QPCT: variants seen among roughly 807,000 people sequenced by gnomAD.
QPCT encodes glutaminyl-peptide cyclotransferase.
Under a neutral mutation model 43.4 loss-of-function variants are expected in QPCT, and 44 were observed. The observed-to-expected ratio is 1.01, with a 90% CI of 0.80 to 1.30. QPCT has a LOEUF of 1.30. Among genes scored for constraint, QPCT ranks in the 50% most tolerant of loss-of-function variants. QPCT has a pLI of 0.00. For synonymous variants in QPCT, 168 were observed against 168.4 expected (o/e 1.00, Z 0.02); for missense variants, 526 against 436.5 (o/e 1.21, Z -1.83).
At chr2:37,349,531 T>G (rs555581096) in intron 1 of QPCT, among the ~76,000 whole-genome samples, 1 of 152,306 alleles carries the variant, frequency 6.6e-6, no homozygotes, top group East Asian at 1.9e-4. Flanking sequence ...ACTCTGGACA[T>G]GGAGTGAAAG....
chr2:37,347,144 TTATATA>T (rs10558124), intron 1 of QPCT, among the ~76,000 whole-genome samples: 1 of 55,346 alleles, frequency 1.8e-5, no homozygotes, highest in Non-Finnish European at 2.9e-5. Flanking sequence ...ATGGGGTGTT[TTATATA>T]TATATATATA....
At chr2:37,356,919 T>C (rs1672760479) in intron 2 of QPCT, among the ~76,000 whole-genome samples, 2 of 151,844 alleles carry the variant, frequency 1.3e-5, no homozygotes, top group African/African-American at 4.8e-5. Flanking sequence ...GGCAGGAGAA[T>C]TTGCTTGAAC....
chr2:37,344,784 T>A lies in QPCT; in HGVS notation c.53T>A (p.Leu18Gln). The A allele has an allele frequency of 6.2e-7, 1 of 1,610,034 alleles. No homozygotes were observed. Among genetic ancestry groups the A allele is most frequent in the Non-Finnish European group, 8.5e-7 (1 of 1,178,872 alleles). Residue 18 changes from leucine (L) to glutamine (Q), a missense_variant, in exon 1 of 7, where the codon CTG becomes CAG. Transcript: ENST00000338415. ...RVVGTLHLLL[L>Q]VAALPWASRG... ...GTGGGCACCCTCCACCTGCTGCTGCTGGTGGCCGCCCTGCCCTGGGCATCC... is the reference window on the plus strand; with the variant it reads ...GTGGGCACCCTCCACCTGCTGCTGCAGGTGGCCGCCCTGCCCTGGGCATCC...
At position 37,352,890 on chromosome 2, in the gene QPCT, G is replaced by A. The variant is rs779013710; in HGVS notation, c.222G>A (p.Leu74=). ...EMWQNDLQPL[L]IERYPGSPGS... ...GGCAAAATGACTTACAGCCATTGCTGATAGAGCGATACCCGGGATCCCCTG... is the reference window on the plus strand; with the variant it reads ...GGCAAAATGACTTACAGCCATTGCTAATAGAGCGATACCCGGGATCCCCTG... Residue 74 remains leucine (L), a synonymous_variant, in exon 2 of 7, where the codon CTG becomes CTA. Transcript: ENST00000338415. The A allele has an allele frequency of 1.4e-5, 23 of 1,614,030 alleles. No individual in the cohort carries two copies. The highest frequency in any genetic ancestry group is 1.9e-5 in the Non-Finnish European group (22 of 1,180,012).
intron 4 of QPCT, chr2:37,368,565 ATTCTGTGTCCTCTGT>A (rs1673010981): frequency 4.2e-6 from 2 of 471,034 alleles, no homozygotes; most frequent in Middle Eastern, 3.3e-4. Context: ...AAATGGTCAC[ATTCTGTGTCCTCTGT>A]GACCCTAACA....
chr2:37,372,297 T>A (rs946443286), intron 5 of QPCT, 59 bp from the exon 6 acceptor site: 57 of 1,194,704 alleles, frequency 4.8e-5, no homozygotes, highest in Middle Eastern at 1.9e-4. Context: ...TAAGGATACA[T>A]TATGAGTCTT....
At chr2:37,347,179 A>ATATATATATATTATAT in intron 1 of QPCT, among the ~76,000 whole-genome samples, 1 of 50,764 alleles carries the variant, frequency 2.0e-5, no homozygotes, top group African/African-American at 1.1e-4. Context: ...ATATATATAT[A>ATATATATATATTATAT]ACATATATAT....
At chr2:37,355,887 C>A (rs1232947823) in intron 2 of QPCT, among the ~76,000 whole-genome samples, 1 of 152,050 alleles carries the variant, frequency 6.6e-6, no homozygotes, top group African/African-American at 2.4e-5. Flanking sequence ...TGCATCTGAG[C>A]CACCGAAACT....
rs1672655785 is a variant in QPCT at position 37,352,992 on chromosome 2, G to A, written c.267+57G>A. 4 of 1,559,348 alleles carry A rather than the reference G, an allele frequency of 2.6e-6. No individual in the cohort carries two copies. In the East Asian group the frequency reaches 9.1e-5, roughly 36 times the overall value. ...TGTGAATACTGTGCTTTCTCATGAG[G>A]GATAATGTTATGGCTGAAGTTCTGA... On this transcript the variant is annotated intron_variant, in intron 2 of 6. Transcript: ENST00000338415.
Position 37,359,656 on chromosome 2 carries a change from AT to A in QPCT, c.345del (p.Tyr115Ter). On this transcript the variant is annotated frameshift_variant, in exon 3 of 7. Coordinates refer to ENST00000338415, the MANE Select transcript of QPCT (RefSeq NM_012413.4). LOFTEE classifies it high-confidence loss of function. Reference protein sequence around the residue: ...EIDTFLSQTPYGYRSFSNIIS... With the variant: ...EIDTFLSQTPXGYRSFSNIIS... Reference sequence around the variant, plus strand: ...GACACCTTCTTGAGTCAGACACCCTATGGGTACCGGTCTTTCTCAAATATCA... The same window carrying A: ...GACACCTTCTTGAGTCAGACACCCTAGGGTACCGGTCTTTCTCAAATATCA... The A allele has an allele frequency of 6.2e-7, 1 of 1,614,046 alleles. No individual in the cohort carries two copies. The highest frequency in any genetic ancestry group is 8.5e-7 in the Non-Finnish European group (1 of 1,179,920).
At chr2:37,351,422 G>A (rs1016735849) in intron 1 of QPCT, among the ~76,000 whole-genome samples, 1 of 152,212 alleles carries the variant, frequency 6.6e-6, no homozygotes, top group Non-Finnish European at 1.5e-5. Flanking sequence ...TACAGTATGT[G>A]TGAAGTCATC....
At chr2:37,370,969 G>A (rs1356141651) in intron 5 of QPCT, among the ~76,000 whole-genome samples, 1 of 152,144 alleles carries the variant, frequency 6.6e-6, no homozygotes, top group African/African-American at 2.4e-5. Flanking sequence ...ACTTCTTGGA[G>A]CAAGATAGAC....
At chr2:37,350,652 T>C (rs533741989) in intron 1 of QPCT, among the ~76,000 whole-genome samples, 61 of 152,364 alleles carry the variant, frequency 4.0e-4, no homozygotes, top group Non-Finnish European at 7.9e-4. Context: ...GATTTACCTG[T>C]AACTCTCCTT....
Position 37,352,916 on chromosome 2 carries a change from G to C in QPCT, c.248G>C (p.Gly83Ala), listed in dbSNP as rs1280478702. The C allele has an allele frequency of 2.5e-6, 4 of 1,613,626 alleles. No homozygotes were observed. Among genetic ancestry groups the C allele is most frequent in the Non-Finnish European group, 3.4e-6 (4 of 1,179,714 alleles). ...ATAGAGCGATACCCGGGATCCCCTG[G>C]AAGCTATGCTGCTCGTCAGGTGAGA... ...LLIERYPGSP[G>A]SYAARQHIMQ... Residue 83 changes from glycine to alanine, a missense_variant, in exon 2 of 7, where the codon GGA (glycine) becomes GCA (alanine). Transcript: ENST00000338415.
Position 37,369,805 on chromosome 2 carries a change from T to A in QPCT, c.823+21T>A, listed in dbSNP as rs754058901. The A allele has an allele frequency of 4.0e-6, 6 of 1,507,198 alleles. No homozygotes were observed. In the Admixed American group the frequency reaches 6.7e-5, roughly 17 times the overall value. The allele number at this position is 1,507,198 out of a possible 1,614,324, so 93.4% of individuals were successfully genotyped here. ...AATTGGTAAGCACCACTGTTATTAA[T>A]GAATAAAACATCATTTCTTGCTACT... On this transcript the variant is annotated intron_variant, in intron 5 of 6. Transcript: ENST00000338415.
rs576086776 is a variant in QPCT at position 37,372,039 on chromosome 2, C to T, written c.824-317C>T. Among the ~76,000 whole-genome samples the T allele has an allele frequency of 1.2e-3, 176 of 152,282 alleles. 1 individual carries two copies. Among genetic ancestry groups the T allele is most frequent in the Non-Finnish European group, 2.3e-3 (156 of 68,008 alleles). On this transcript the variant is annotated intron_variant, in intron 5 of 6. Coordinates refer to ENST00000338415, the MANE Select transcript of QPCT (RefSeq NM_012413.4). ...GCATCTACACCTGCACCTGTGTTGT[C>T]CCCTTCCACCCACCTGTCCTCTGTT... is the stretch of plus-strand genomic sequence containing the variant.
At chr2:37,356,524 T>A (rs1321156835) in intron 2 of QPCT, among the ~76,000 whole-genome samples, 1 of 152,204 alleles carries the variant, frequency 6.6e-6, no homozygotes, top group Non-Finnish European at 1.5e-5. Context: ...TACGGGTATT[T>A]GAATGATAGT....
intron 1 of QPCT, among the ~76,000 whole-genome samples, chr2:37,346,541 G>T (rs1487446572): frequency 6.6e-6 from 1 of 152,126 alleles, no homozygotes; most frequent in Non-Finnish European, 1.5e-5. Context: ...GGTATTTATG[G>T]GTGGGAAAAG....
chr2:37,347,822 T>G (rs12468307), intron 1 of QPCT, among the ~76,000 whole-genome samples: 6,829 of 152,304 alleles, frequency 0.045, 722 homozygotes, highest in East Asian at 0.34. Context: ...GAATGACTGA[T>G]GGCTTTTGAG....
Sources: gnomAD v4.1 joint callset for allele counts (sites outside exome capture counted in the v4.1 genomes callset) on GRCh38, gnomAD v4.1.1 for gene constraint, MANE v1.5 for transcripts, NCBI Gene and HGNC (gene_info 2026-07-23, HGNC 2026-07-21) for gene names.